The following TNC variants were observed in gnomAD, a reference collection of about 807,000 sequenced individuals.
TNC encodes the protein tenascin C, also known as tenascin.
A neutral mutation model predicts 202.4 loss-of-function variants in TNC; 109 were observed. The observed-to-expected ratio is 0.54, with a 90% CI of 0.46 to 0.63. The LOEUF (loss-of-function observed/expected upper bound fraction) is 0.63. Ranked by LOEUF, TNC falls within the 30% of genes least tolerant of loss-of-function variation. The pLI, the probability that TNC is intolerant of heterozygous loss-of-function variation, is 0.00. For synonymous variants in TNC, 1,007 were observed against 1,089.7 expected (o/e 0.92, Z 1.50); for missense variants, 2,756 against 2,833.3 (o/e 0.97, Z 0.62).
Position 115,030,246 on chromosome 9 carries a change from G to T in TNC, c.6072+8C>A. 1 of 1,604,116 alleles carries T rather than the reference G, an allele frequency of 6.2e-7. No homozygotes were observed. The highest frequency in any genetic ancestry group is 1.1e-5 in the South Asian group (1 of 90,312). ...CCTGAGGGCTCTGCAGTCCCTGGTG[G>T]TACTCACAATCCATCCACCCCCATC... is the stretch of plus-strand genomic sequence containing the variant. On this transcript the variant is annotated splice_region_variant and intron_variant, in intron 24 of 27. Transcript: ENST00000350763.
Position 115,091,153 on chromosome 9 carries a change from T to C in TNC, c.-135A>G. 1.4e-6 allele frequency: 1 copy of C among 705,298 alleles called. No individual in the cohort carries two copies. Among genetic ancestry groups the C allele is most frequent in the South Asian group, 1.9e-5 (1 of 52,024 alleles). 43.7% of individuals were successfully genotyped at this position (705,298 alleles called of 1,614,324 possible). A position where few individuals can be genotyped will look rare whatever the true frequency, so the allele number is the denominator to read the frequency against. On this transcript the variant is annotated splice_region_variant and 5_prime_UTR_variant, in exon 2 of 28. Transcript: ENST00000350763. ...CCCTGATCTTCTTGAAAGAATTATT[T>C]TCTACAAGCAAAGATGAACAAAAAA...
rs771312978 is a variant in TNC, at chr9:115,063,914, T to C, written c.3642A>G (p.Pro1214=). 5 of 1,614,042 alleles carry C rather than the reference T, an allele frequency of 3.1e-6. No homozygotes were observed. The African/African-American group carries it at 4.0e-5, about 13-fold the overall frequency. Residue 1214 remains proline (P), a synonymous_variant, in exon 12 of 28, where the codon CCA becomes CCG. Transcript: ENST00000350763. The stretch of plus-strand genomic sequence containing the variant: ...GCAGGTCTGTGGACCTCAGTCCTCC[T>C]GGGACGGTGAGGTTCTGGGCTGCCT... The part of the protein sequence containing the change: ...TVEAAQNLTV[P]GGLRSTDLPG...
chr9:115,023,473 G>C (rs952734265), intron 27 of TNC, among the ~76,000 whole-genome samples: 3 of 152,216 alleles, frequency 2.0e-5, no homozygotes, highest in African/African-American at 7.2e-5. Context: ...CCAGGGGCTG[G>C]AAGTGGGGAG....
At chr9:115,095,482 A>G (rs796973047) in intron 1 of TNC, among the ~76,000 whole-genome samples, 7 of 39,494 alleles carry the variant, frequency 1.8e-4, no homozygotes, top group South Asian at 1.0e-3. Context: ...ATATATATGT[A>G]TATATATATG....
At chr9:115,042,631 G>T (rs1830850832) in intron 17 of TNC, among the ~76,000 whole-genome samples, 1 of 152,154 alleles carries the variant, frequency 6.6e-6, no homozygotes, top group Non-Finnish European at 1.5e-5. Context: ...TGGTTTCCCA[G>T]ATTGGAATGT....
chr9:115,021,023 G>T lies in TNC; in HGVS notation c.*134C>A. On this transcript the variant is annotated 3_prime_UTR_variant, in exon 28 of 28. Coordinates refer to ENST00000350763, the MANE Select transcript of TNC (RefSeq NM_002160.4). ...CCATGCTGTTGCCGTTGGCCCCAGG[G>T]ATCCATGGTCAGCTTTGACTCTCAC... is the stretch of plus-strand genomic sequence containing the variant. 1.5e-6 allele frequency: 1 copy of T among 664,634 alleles called. No individual in the cohort carries two copies. Among genetic ancestry groups the T allele is most frequent in the Non-Finnish European group, 2.6e-6 (1 of 390,932 alleles). 41.2% of individuals were successfully genotyped at this position (664,634 alleles called of 1,614,324 possible). A position where few individuals can be genotyped will look rare whatever the true frequency, so the allele number is the denominator to read the frequency against.
At chr9:115,070,150 C>T (rs1321284410) in intron 10 of TNC, among the ~76,000 whole-genome samples, 1 of 152,100 alleles carries the variant, frequency 6.6e-6, no homozygotes, top group South Asian at 2.1e-4. Flanking sequence ...TAAACCAATA[C>T]TTGCATAATA....
At chr9:115,097,426 A>G (rs1227281953) in intron 1 of TNC, among the ~76,000 whole-genome samples, 2 of 152,242 alleles carry the variant, frequency 1.3e-5, no homozygotes, top group East Asian at 3.8e-4. Flanking sequence ...TCAGAAAGAA[A>G]ACCTTGTATC....
chr9:115,096,955 T>G (rs1167700193), intron 1 of TNC, among the ~76,000 whole-genome samples: 1 of 152,186 alleles, frequency 6.6e-6, no homozygotes, highest in African/African-American at 2.4e-5. Context: ...TAATGTCTCT[T>G]TCTGTCTGCT....
At chr9:115,039,575 T>C (rs1306088801) in intron 19 of TNC, among the ~76,000 whole-genome samples, 1 of 152,212 alleles carries the variant, frequency 6.6e-6, no homozygotes, top group African/African-American at 2.4e-5. Context: ...GCTTTTGCAC[T>C]TACTACTCAA....
intron 4 of TNC, among the ~76,000 whole-genome samples, chr9:115,083,485 T>A (rs1228471472): frequency 6.6e-6 from 1 of 152,184 alleles, no homozygotes; most frequent in Non-Finnish European, 1.5e-5. Flanking sequence ...CTACTCCTTG[T>A]TAGCTGCATG....
intron 16 of TNC, among the ~76,000 whole-genome samples, chr9:115,047,772 C>T (rs147716634): frequency 6.6e-6 from 1 of 152,144 alleles, no homozygotes; most frequent in South Asian, 2.1e-4. Context: ...TGCAGAGTCT[C>T]TCTGATATTA....
At chr9:115,054,509 C>A (rs2132357357) in intron 15 of TNC, among the ~76,000 whole-genome samples, 1 of 152,284 alleles carries the variant, frequency 6.6e-6, no homozygotes, top group African/African-American at 2.4e-5. Flanking sequence ...GGATTCTTCT[C>A]ATGCTACCAG....
intron 1 of TNC, among the ~76,000 whole-genome samples, chr9:115,098,854 C>T (rs766643719): frequency 2.6e-5 from 4 of 151,832 alleles, no homozygotes; most frequent in Non-Finnish European, 5.9e-5. Context: ...AAATTCCTCA[C>T]CCTTTGTCCT....
intron 22 of TNC, 52 bp downstream of exon 22, chr9:115,035,152 A>G (rs1386590203): frequency 2.0e-6 from 3 of 1,528,768 alleles, no homozygotes; most frequent in Non-Finnish European, 2.6e-6. Context: ...TACTTTGAAG[A>G]TCATGCAAAT....
intron 1 of TNC, among the ~76,000 whole-genome samples, chr9:115,102,950 T>C (rs1165529554): frequency 6.6e-6 from 1 of 152,270 alleles, no homozygotes; most frequent in Non-Finnish European, 1.5e-5. Context: ...GAACAAATAC[T>C]CTTACTTTCC....
chr9:115,065,744 A>G (rs1832900177), intron 10 of TNC, among the ~76,000 whole-genome samples: 1 of 152,052 alleles, frequency 6.6e-6, no homozygotes, highest in African/African-American at 2.4e-5. Context: ...TCTACAAAAA[A>G]TACAGAAATT....
intron 1 of TNC, among the ~76,000 whole-genome samples, chr9:115,093,134 T>C (rs758341060): frequency 5.9e-5 from 9 of 152,120 alleles, no homozygotes; most frequent in Non-Finnish European, 8.8e-5. Flanking sequence ...TAGAGAGGAA[T>C]TGTGGCAAGG....
chr9:115,023,384 C>T (rs1467678055), intron 27 of TNC, among the ~76,000 whole-genome samples: 1 of 152,152 alleles, frequency 6.6e-6, no homozygotes. Flanking sequence ...ATCCGTTCGC[C>T]TATTTCTAAA....
Sources: gnomAD v4.1 joint callset for allele counts (sites outside exome capture counted in the v4.1 genomes callset) on GRCh38, gnomAD v4.1.1 for gene constraint, MANE v1.5 for transcripts, NCBI Gene and HGNC (gene_info 2026-07-23, HGNC 2026-07-21) for gene names.